The following SDK1 variants were observed in gnomAD, a reference collection of about 807,000 sequenced individuals.
The protein encoded by SDK1 is protein sidekick-1.
A neutral mutation model predicts 245.5 loss-of-function variants in SDK1; 157 were observed. That is an observed-to-expected ratio of 0.64 (90% CI 0.56 to 0.73). The LOEUF (loss-of-function observed/expected upper bound fraction) is 0.73, where lower values mean the gene tolerates loss of function less well. SDK1 is among the 30% of genes least tolerant of loss of function. The pLI, the probability that SDK1 is intolerant of heterozygous loss-of-function variation, is 0.00. For synonymous variants in SDK1, 1,647 were observed against 1,278.5 expected, an observed-to-expected ratio of 1.29 and a Z score of -6.15; for missense variants, 3,583 against 3,002.3, an observed-to-expected ratio of 1.19 and a Z score of -4.52.
chr7:3,640,897 T>A (rs1319621790), intron 3 of SDK1, among the ~76,000 whole-genome samples: 5 of 152,134 alleles, frequency 3.3e-5, no homozygotes, highest in Admixed American at 2.0e-4. Context: ...TTGGCCAGGC[T>A]GGTGTCAAAT....
chr7:3,679,721 A>T (rs1245404705), intron 4 of SDK1, among the ~76,000 whole-genome samples: 1 of 152,246 alleles, frequency 6.6e-6, no homozygotes, highest in African/African-American at 2.4e-5. Flanking sequence ...CCTACCTATC[A>T]GAATAGCTAA....
intron 4 of SDK1, among the ~76,000 whole-genome samples, chr7:3,670,675 G>A (rs1288652804): frequency 2.6e-5 from 4 of 152,096 alleles, no homozygotes; most frequent in Non-Finnish European, 5.9e-5. Flanking sequence ...GGGAATTCTC[G>A]TTGCTCTCCC....
At chr7:3,543,097 G>A (rs1297372544) in intron 1 of SDK1, among the ~76,000 whole-genome samples, 2 of 152,172 alleles carry the variant, frequency 1.3e-5, no homozygotes, top group African/African-American at 2.4e-5. Flanking sequence ...AAATTTTCCT[G>A]CCAAAAACGT....
chr7:3,387,323 T>C (rs1176286828), intron 1 of SDK1, among the ~76,000 whole-genome samples: 1 of 152,146 alleles, frequency 6.6e-6, no homozygotes, highest in African/African-American at 2.4e-5. Flanking sequence ...TGAATTCCTT[T>C]AGAGATTCCT....
At chr7:4,256,227 A>G (rs1238499682) in intron 44 of SDK1, among the ~76,000 whole-genome samples, 1 of 152,182 alleles carries the variant, frequency 6.6e-6, no homozygotes, top group African/African-American at 2.4e-5. Flanking sequence ...GCCTTCAGAG[A>G]TTTTAGATGG....
At position 3,659,583 on chromosome 7, in the gene SDK1, G is replaced by A. The variant is rs572531068; in HGVS notation, c.713+17478G>A. On this transcript the variant is annotated intron_variant, in intron 4 of 44. Transcript: ENST00000404826. ...GAGGAGAGTGGCCCAAAGTGACGTCGGCAGGGACTAGATTGTGCTGGGTTT... is the reference window on the plus strand; with the variant it reads ...GAGGAGAGTGGCCCAAAGTGACGTCAGCAGGGACTAGATTGTGCTGGGTTT... Among the ~76,000 whole-genome samples the A allele has an allele frequency of 2.6e-5, 4 of 152,252 alleles. No homozygotes were observed. The East Asian group carries it at 5.8e-4, about 22-fold the overall frequency.
At chr7:3,519,708 G>A (rs539354575) in intron 1 of SDK1, among the ~76,000 whole-genome samples, 1 of 151,904 alleles carries the variant, frequency 6.6e-6, no homozygotes, top group African/African-American at 2.4e-5. Context: ...TAGAGGATTA[G>A]TAATTTTAAA....
intron 5 of SDK1, among the ~76,000 whole-genome samples, chr7:3,924,035 G>A (rs948011372): frequency 2.6e-5 from 4 of 152,012 alleles, no homozygotes; most frequent in Non-Finnish European, 5.9e-5. Flanking sequence ...TATTTCTATA[G>A]AGATTTAGGA....
At chr7:4,004,383 T>G (rs1231298528) in intron 14 of SDK1, among the ~76,000 whole-genome samples, 1 of 152,252 alleles carries the variant, frequency 6.6e-6, no homozygotes, top group African/African-American at 2.4e-5. Flanking sequence ...TTGCACCTAA[T>G]TTTTCCACTT....
At chr7:3,972,549 A>G (rs191005543) in intron 12 of SDK1, among the ~76,000 whole-genome samples, 1 of 152,296 alleles carries the variant, frequency 6.6e-6, no homozygotes, top group African/African-American at 2.4e-5. Context: ...AATTTTTGGA[A>G]TCAGCCTTGA....
At chr7:3,489,500 C>T (rs578260995) in intron 1 of SDK1, among the ~76,000 whole-genome samples, 194 of 152,252 alleles carry the variant, frequency 1.3e-3, no homozygotes, top group African/African-American at 4.5e-3. Flanking sequence ...GGATTTTGAG[C>T]AGCCAGACAT....
chr7:3,623,461 AC>A (rs1173180690), intron 2 of SDK1, among the ~76,000 whole-genome samples: 1 of 151,824 alleles, frequency 6.6e-6, no homozygotes, highest in Admixed American at 6.6e-5. Flanking sequence ...GGCTGGTCTC[AC>A]ACTCCTGACC....
At chr7:3,482,103 T>C (rs1378012244) in intron 1 of SDK1, among the ~76,000 whole-genome samples, 1 of 152,168 alleles carries the variant, frequency 6.6e-6, no homozygotes, top group East Asian at 1.9e-4. Flanking sequence ...CTACCAGACA[T>C]TGTAAAGCTA....
intron 1 of SDK1, among the ~76,000 whole-genome samples, chr7:3,423,404 G>C (rs1400284622): frequency 1.3e-5 from 2 of 152,156 alleles, no homozygotes; most frequent in Non-Finnish European, 2.9e-5. Flanking sequence ...AGAATACAAA[G>C]CAGGGCTAAT....
intron 5 of SDK1, among the ~76,000 whole-genome samples, chr7:3,828,250 C>G (rs897172458): frequency 2.6e-5 from 4 of 151,742 alleles, no homozygotes; most frequent in Non-Finnish European, 4.4e-5. Context: ...TGCACTCCAA[C>G]CAAGGCGACG....
intron 1 of SDK1, among the ~76,000 whole-genome samples, chr7:3,605,836 A>T (rs956511175): frequency 2.0e-5 from 3 of 152,128 alleles, no homozygotes; most frequent in Non-Finnish European, 4.4e-5. Context: ...TTAACTTCTG[A>T]TCAAATTAAG....
intron 17 of SDK1, among the ~76,000 whole-genome samples, chr7:4,038,447 A>G (rs1226501563): frequency 6.6e-6 from 1 of 152,200 alleles, no homozygotes; most frequent in Middle Eastern, 3.2e-3. Flanking sequence ...CTCATGCCAT[A>G]CACCAAGTGC....
intron 4 of SDK1, among the ~76,000 whole-genome samples, chr7:3,669,378 C>A (rs571320886): frequency 1.3e-5 from 2 of 151,998 alleles, no homozygotes; most frequent in East Asian, 3.9e-4. Flanking sequence ...ACCTTCTTAC[C>A]CCCTTTTCAT....
chr7:3,316,539 C>G (rs953523282), intron 1 of SDK1, among the ~76,000 whole-genome samples: 2 of 152,092 alleles, frequency 1.3e-5, no homozygotes, highest in African/African-American at 4.8e-5. Context: ...CCTGTATATT[C>G]AATATAATAT....
Sources: allele counts gnomAD v4.1 joint callset (sites outside exome capture counted in the v4.1 genomes callset), GRCh38; gene constraint gnomAD v4.1.1; transcripts MANE v1.5; gene names NCBI Gene and HGNC (gene_info 2026-07-23, HGNC 2026-07-21).